FAM117A: variants seen among roughly 807,000 people sequenced by gnomAD.
The protein encoded by FAM117A is protein FAM117A.
FAM117A carries 21 observed loss-of-function variants against 44.1 expected under a neutral mutation model. The ratio of observed to expected loss-of-function variants is 0.48; its 90% CI spans 0.34 to 0.69. The LOEUF (loss-of-function observed/expected upper bound fraction) is 0.69, where lower values mean the gene tolerates loss of function less well. Among genes scored for constraint, FAM117A ranks in the 30% least tolerant of loss-of-function variants. The pLI is 0.01. For synonymous variants in FAM117A, 220 were observed against 238.3 expected (o/e 0.92, Z 0.71); for missense variants, 498 against 589.9 (o/e 0.84, Z 1.61).
At chr17:49,733,986 CA>C (rs1223548910) in intron 1 of FAM117A, among the ~76,000 whole-genome samples, 2 of 149,792 alleles carry the variant, frequency 1.3e-5, no homozygotes, top group Non-Finnish European at 3.0e-5. Context: ...ACTAAAAATA[CA>C]AAAAAATTAG....
chr17:49,788,984 C>T (rs1490101766), upstream of FAM117A: 10 of 752,728 alleles, frequency 1.3e-5, no homozygotes, highest in African/African-American at 1.8e-5. Flanking sequence ...ACCCTCTCTT[C>T]TGTCCATACC....
chr17:49,747,785 G>A (rs1355764758), intron 1 of FAM117A, among the ~76,000 whole-genome samples: 3 of 152,158 alleles, frequency 2.0e-5, no homozygotes, highest in African/African-American at 7.2e-5. Flanking sequence ...AAATTCCCAT[G>A]CTGAGCTCTA....
At chr17:49,723,448 A>T (rs1317821545) in intron 2 of FAM117A, among the ~76,000 whole-genome samples, 1 of 152,180 alleles carries the variant, frequency 6.6e-6, no homozygotes, top group Non-Finnish European at 1.5e-5. Flanking sequence ...GGCTCTAAGC[A>T]TGAAGCCAAA....
chr17:49,740,127 G>GTATC (rs1360081203), intron 1 of FAM117A, among the ~76,000 whole-genome samples: 2 of 152,180 alleles, frequency 1.3e-5, no homozygotes, highest in African/African-American at 4.8e-5. Flanking sequence ...CAGCGGTCAA[G>GTATC]TATCTGCCTG....
chr17:49,758,633 A>AAT lies in FAM117A; in HGVS notation c.196+5258_196+5259insAT, dbSNP rs1555598052. 4.5e-4 allele frequency among the ~76,000 whole-genome samples: 56 copies of AAT among 123,220 alleles called. No individual in the cohort carries two copies. In the East Asian group the frequency reaches 8.7e-3, roughly 19 times the overall value. The allele number at this position is 123,220 out of a possible 152,430, so 80.8% of individuals were successfully genotyped here. On this transcript the variant is annotated intron_variant, in intron 1 of 7. Transcript: ENST00000240364. ...AGCGAGACTGTCTCAAAAAAAAAAAAAAATAAAATAAATAAATAAATAAAT... is the reference window on the plus strand; with the variant it reads ...AGCGAGACTGTCTCAAAAAAAAAAAAATAAATAAAATAAATAAATAAATAAAT...
In FAM117A at chr17:49,716,341, A is replaced by C. The variant is rs151068437; in HGVS notation, c.911-26T>G. 2.0e-3 allele frequency: 3,084 copies of C among 1,514,950 alleles called. 17 individuals are homozygous for C. The Middle Eastern group carries it at 0.03, about 15-fold the overall frequency. The allele number at this position is 1,514,950 out of a possible 1,614,324, so 93.8% of individuals were successfully genotyped here. On this transcript the variant is annotated intron_variant, in intron 6 of 7. Coordinates refer to ENST00000240364, the MANE Select transcript of FAM117A (RefSeq NM_030802.4). ...CTGTGAACAGAGCAAGGCTAAGTCT[A>C]GTGGAGATGAAGGGAAGGCCTCCAC...
At chr17:49,740,010 C>A (rs2073626399) in intron 1 of FAM117A, among the ~76,000 whole-genome samples, 1 of 152,206 alleles carries the variant, frequency 6.6e-6, no homozygotes, top group South Asian at 2.1e-4. Context: ...ACAGCACACA[C>A]AGGAGATAAG....
At chr17:49,741,714 C>T (rs2073635287) in intron 1 of FAM117A, among the ~76,000 whole-genome samples, 1 of 152,128 alleles carries the variant, frequency 6.6e-6, no homozygotes, top group Non-Finnish European at 1.5e-5. Flanking sequence ...AAACATTTCC[C>T]CAATAACAGG....
At chr17:49,731,107 A>G (rs1394251789) in intron 2 of FAM117A, among the ~76,000 whole-genome samples, 4 of 152,252 alleles carry the variant, frequency 2.6e-5, no homozygotes, top group Non-Finnish European at 5.9e-5. Flanking sequence ...CATTAACAAA[A>G]TAAATAAAGG....
intron 1 of FAM117A, among the ~76,000 whole-genome samples, chr17:49,782,100 G>T (rs1298967323): frequency 6.6e-6 from 1 of 152,174 alleles, no homozygotes; most frequent in East Asian, 1.9e-4. Flanking sequence ...GTTGGGTCAG[G>T]CGTGGTGGCT....
chr17:49,777,232 A>C (rs2073777802), intron 1 of FAM117A, among the ~76,000 whole-genome samples: 1 of 152,138 alleles, frequency 6.6e-6, no homozygotes, highest in Non-Finnish European at 1.5e-5. Context: ...GGTCCTCCAG[A>C]CAGTATTTTA....
chr17:49,740,425 AT>A lies in FAM117A; in HGVS notation c.197-7706del, dbSNP rs1216200032. On this transcript the variant is annotated intron_variant, in intron 1 of 7. Coordinates refer to ENST00000240364, the MANE Select transcript of FAM117A (RefSeq NM_030802.4). Reference sequence around the variant, plus strand: ...CCACCGCGCCCGGCTAATTTTTTGTATTTTTAGTAGAGACGGGGTTTCACCG... The same window carrying A: ...CCACCGCGCCCGGCTAATTTTTTGTATTTTAGTAGAGACGGGGTTTCACCG... Among the ~76,000 whole-genome samples the A allele has an allele frequency of 3.3e-5, 5 of 151,966 alleles. No individual in the cohort carries two copies. The South Asian group carries it at 6.2e-4, about 19-fold the overall frequency.
At chr17:49,713,920 C>T (rs576058714) in intron 7 of FAM117A, among the ~76,000 whole-genome samples, 2 of 152,206 alleles carry the variant, frequency 1.3e-5, no homozygotes, top group South Asian at 2.1e-4. Context: ...TAAAGGCCCA[C>T]GTGGTGGGTG....
intron 2 of FAM117A, among the ~76,000 whole-genome samples, chr17:49,730,770 C>T (rs953117732): frequency 2.6e-5 from 4 of 152,204 alleles, no homozygotes; most frequent in African/African-American, 9.6e-5. Context: ...CCAGGGCTCC[C>T]AGGAAGGAAG....
At chr17:49,714,102 C>T (rs530406314) in intron 7 of FAM117A, among the ~76,000 whole-genome samples, 3 of 152,262 alleles carry the variant, frequency 2.0e-5, no homozygotes, top group East Asian at 3.9e-4. Context: ...GACCCAGCAA[C>T]ACTCAGAGAA....
chr17:49,732,403 T>C, intron 2 of FAM117A, 148 bp downstream of exon 2: 1 of 752,742 alleles, frequency 1.3e-6, no homozygotes, highest in East Asian at 2.8e-5. Flanking sequence ...AAACTCTGTC[T>C]TAAGAAGATA....
chr17:49,733,307 C>T (rs139689555), intron 1 of FAM117A, among the ~76,000 whole-genome samples: 70 of 152,322 alleles, frequency 4.6e-4, no homozygotes, highest in Non-Finnish European at 8.1e-4. Flanking sequence ...ATCTAGTTTA[C>T]GGAAACATCC....
At chr17:49,722,951 C>T (rs890675537) in intron 2 of FAM117A, among the ~76,000 whole-genome samples, 14 of 152,182 alleles carry the variant, frequency 9.2e-5, no homozygotes, top group Non-Finnish European at 2.1e-4. Context: ...GCTCAGGCTC[C>T]GGGAATCACT....
At chr17:49,714,023 T>C (rs2073490355) in intron 7 of FAM117A, among the ~76,000 whole-genome samples, 1 of 151,838 alleles carries the variant, frequency 6.6e-6, no homozygotes, top group South Asian at 2.1e-4. Context: ...TACGGAGGGA[T>C]GGGGAATGGG....
Sources: gnomAD v4.1 joint callset for allele counts (sites outside exome capture counted in the v4.1 genomes callset) on GRCh38, gnomAD v4.1.1 for gene constraint, MANE v1.5 for transcripts, NCBI Gene and HGNC (gene_info 2026-07-23, HGNC 2026-07-21) for gene names.